MAFK: variants seen among roughly 807,000 people sequenced by gnomAD.
The protein encoded by MAFK is MAF bZIP transcription factor K.
In MAFK, 1 loss-of-function variant was observed where a neutral mutation model predicts 9.2. That is an observed-to-expected ratio of 0.11 (90% CI 0.04 to 0.52). The LOEUF (loss-of-function observed/expected upper bound fraction) is 0.52. Ranked by LOEUF, MAFK falls within the 20% of genes least tolerant of loss-of-function variation. MAFK has a pLI of 0.94. For missense variants in MAFK, 207 were observed against 236.0 expected, an observed-to-expected ratio of 0.88 and a Z score of 0.81; for synonymous variants, 110 against 107.4, an observed-to-expected ratio of 1.02 and a Z score of -0.15.
At chr7:1,537,204 C>T (rs1315746241) in intron 1 of MAFK, among the ~76,000 whole-genome samples, 2 of 152,258 alleles carry the variant, frequency 1.3e-5, no homozygotes, top group East Asian at 1.9e-4. Flanking sequence ...CACACGTCAC[C>T]GTGGGTCTGG....
chr7:1,533,895 G>A (rs1449717547), intron 1 of MAFK, among the ~76,000 whole-genome samples: 1 of 152,174 alleles, frequency 6.6e-6, no homozygotes, highest in East Asian at 1.9e-4. Flanking sequence ...ATGCTGATGG[G>A]GAGCTGGAGG....
At chr7:1,537,410 A>C in intron 1 of MAFK, 1 of 985,514 alleles carries the variant, frequency 1.0e-6, no homozygotes, top group Non-Finnish European at 1.2e-6. Context: ...ACGTGCTCGC[A>C]GTGGAGCTGG....
At chr7:1,531,912 T>C (rs2128550589) in intron 1 of MAFK, among the ~76,000 whole-genome samples, 1 of 152,364 alleles carries the variant, frequency 6.6e-6, no homozygotes, top group African/African-American at 2.4e-5. Flanking sequence ...CATGCTGTTT[T>C]CTTGCTTCTT....
At position 1,540,390 on chromosome 7, in the gene MAFK, G is replaced by T. The variant is rs746555332; in HGVS notation, c.*15G>T. On this transcript the variant is annotated 3_prime_UTR_variant, in exon 3 of 3. Transcript: ENST00000343242. ...CTGCATCCTAGTGCCGGCCGGGGGC[G>T]GGGGGTGGCGGGCGGCGGGCGGCGG... 1.4e-6 allele frequency: 2 copies of T among 1,478,866 alleles called. No individual in the cohort carries two copies. The highest frequency in any genetic ancestry group is 1.4e-5 in the African/African-American group (1 of 70,870). 91.6% of individuals were successfully genotyped at this position (1,478,866 alleles called of 1,614,324 possible).
rs983754184 is a variant in MAFK, at chr7:1,540,598, G to A, written c.*223G>A. ...CCGGTCCACAGACACACTCACGCCC[G>A]CCACCTGCTCCCCGCAGGATGTGTC... is the stretch of plus-strand genomic sequence containing the variant. On this transcript the variant is annotated 3_prime_UTR_variant, in exon 3 of 3. Coordinates refer to ENST00000343242, the MANE Select transcript of MAFK (RefSeq NM_002360.4). 7.9e-5 allele frequency: 43 copies of A among 542,712 alleles called. No individual in the cohort carries two copies. The highest frequency in any genetic ancestry group is 7.9e-5 in the African/African-American group (4 of 50,610). 33.6% of individuals were successfully genotyped at this position (542,712 alleles called of 1,614,324 possible).
rs766422603 is a variant in MAFK at position 1,541,125 on chromosome 7, G to C, written c.*750G>C. 4 of 152,910 alleles carry C rather than the reference G, an allele frequency of 2.6e-5. No individual in the cohort carries two copies. The highest frequency in any genetic ancestry group is 2.0e-4 in the Admixed American group (3 of 15,288). 9.5% of individuals were successfully genotyped at this position (152,910 alleles called of 1,614,324 possible). On this transcript the variant is annotated 3_prime_UTR_variant, in exon 3 of 3. Transcript: ENST00000343242. ...TGGCAGAGAGAGTGGCTCACACGTC[G>C]TGAGGTCTCCCCTGTGCTCTGGTGA... is the stretch of plus-strand genomic sequence containing the variant.
At chr7:1,533,119 A>ACC (rs1219107582) in intron 1 of MAFK, among the ~76,000 whole-genome samples, 1 of 151,962 alleles carries the variant, frequency 6.6e-6, no homozygotes, top group African/African-American at 2.4e-5. Flanking sequence ...CACATGCCCC[A>ACC]CCCCCCGACC....
intron 1 of MAFK, among the ~76,000 whole-genome samples, chr7:1,531,919 T>G (rs1029868398): frequency 4.6e-5 from 7 of 152,342 alleles, no homozygotes; most frequent in South Asian, 2.1e-4. Context: ...TTTTCTTGCT[T>G]CTTAAGTAGC....
intron 1 of MAFK, chr7:1,538,143 G>T: frequency 5.0e-6 from 2 of 402,216 alleles, no homozygotes; most frequent in Non-Finnish European, 6.7e-6. Context: ...CGTGGGGGCT[G>T]GCTCGGTCCC....
chr7:1,537,634 C>A lies in MAFK; in HGVS notation c.-44-1515C>A, dbSNP rs972213064. ...CATCCTGTGCCATCTACGTCAGCGC[C>A]CTGAGATCAGCTGGCCTTGGCAGGG... On this transcript the variant is annotated intron_variant, in intron 1 of 2. Coordinates refer to ENST00000343242, the MANE Select transcript of MAFK (RefSeq NM_002360.4). 9 of 985,502 alleles carry A rather than the reference C, an allele frequency of 9.1e-6. No individual in the cohort carries two copies. The African/African-American group carries it at 1.6e-4, about 17-fold the overall frequency. 61.0% of individuals were successfully genotyped at this position (985,502 alleles called of 1,614,324 possible). A position where few individuals can be genotyped will look rare whatever the true frequency, so the allele number is the denominator to read the frequency against.
chr7:1,540,850 CTG>C lies in MAFK; in HGVS notation c.*476_*477del. 2.4e-5 allele frequency: 4 copies of C among 167,966 alleles called. No individual in the cohort carries two copies. Among genetic ancestry groups the C allele is most frequent in the Admixed American group, 6.0e-5 (1 of 16,776 alleles). The allele number at this position is 167,966 out of a possible 1,614,324, so 10.4% of individuals were successfully genotyped here. On this transcript the variant is annotated 3_prime_UTR_variant, in exon 3 of 3. Transcript: ENST00000343242. Reference sequence around the variant, plus strand: ...GCCGGTGCGGGAGCCCCTCACTGCCCTGACCGACTCCGCAGTCCCCGGGGAGG... The same window carrying C: ...GCCGGTGCGGGAGCCCCTCACTGCCCACCGACTCCGCAGTCCCCGGGGAGG...
intron 1 of MAFK, chr7:1,537,584 G>C: frequency 1.0e-6 from 1 of 985,548 alleles, no homozygotes. Context: ...GAGCCCACCT[G>C]GCCGTCCCCG....
intron 1 of MAFK, chr7:1,533,956 G>A (rs1269874288): frequency 9.6e-6 from 3 of 313,724 alleles, no homozygotes; most frequent in South Asian, 5.0e-5. Flanking sequence ...ACTGGAGGGG[G>A]TGTGGTGTGT....
intron 1 of MAFK, among the ~76,000 whole-genome samples, chr7:1,535,354 G>A (rs1784002971): frequency 6.6e-6 from 1 of 152,104 alleles, no homozygotes; most frequent in South Asian, 2.1e-4. Flanking sequence ...TATTTGCTGG[G>A]ACTTAAAAAG....
chr7:1,538,162 C>G, intron 1 of MAFK: 1 of 603,638 alleles, frequency 1.7e-6, no homozygotes, highest in Non-Finnish European at 2.1e-6. Flanking sequence ...CCAAGGTCGC[C>G]ATGGCAACTA....
chr7:1,532,259 TG>T lies in MAFK; in HGVS notation c.-45+1363del, dbSNP rs1269525225. On this transcript the variant is annotated intron_variant, in intron 1 of 2. Transcript: ENST00000343242. This position sits in a 1 kb window ranked among gnomAD's most constrained non-coding sequence, Gnocchi z 4.5. ...TCCAAACCCAATGTCTTCAGGGACATGGAGCATTAAAAGAGCCGTGGGCGGG... is the reference window on the plus strand; with the variant it reads ...TCCAAACCCAATGTCTTCAGGGACATGAGCATTAAAAGAGCCGTGGGCGGG... Among the ~76,000 whole-genome samples, 5 of 152,172 alleles carry T rather than the reference TG, an allele frequency of 3.3e-5. No homozygotes were observed. The highest frequency in any genetic ancestry group is 1.2e-4 in the African/African-American group (5 of 41,442).
At chr7:1,539,570 G>C (rs995780886) in intron 2 of MAFK, among the ~76,000 whole-genome samples, 1 of 152,234 alleles carries the variant, frequency 6.6e-6, no homozygotes, top group African/African-American at 2.4e-5. Flanking sequence ...CGATGCTCCA[G>C]CTCCCAAGGC....
Position 1,532,057 on chromosome 7 carries a change from G to GC in MAFK, c.-45+1165dup, listed in dbSNP as rs1273184908. ...CCTGAGACTCAAAACGCCCCCCACCGCCCCCCATCGTGGTCTAGGGGATAT... is the reference window on the plus strand; with the variant it reads ...CCTGAGACTCAAAACGCCCCCCACCGCCCCCCCATCGTGGTCTAGGGGATAT... On this transcript the variant is annotated intron_variant, in intron 1 of 2. Transcript: ENST00000343242. This position sits in a 1 kb window ranked among gnomAD's most constrained non-coding sequence, Gnocchi z 4.5. Among the ~76,000 whole-genome samples the GC allele has an allele frequency of 2.0e-5, 3 of 152,242 alleles. No homozygotes were observed. The East Asian group carries it at 5.8e-4, about 29-fold the overall frequency.
chr7:1,531,153 C>A (rs1783895144), intron 1 of MAFK, among the ~76,000 whole-genome samples: 1 of 149,300 alleles, frequency 6.7e-6, no homozygotes, highest in South Asian at 2.1e-4. Flanking sequence ...GCCGCCCGGG[C>A]CATGCTTGCC....
Sources: gnomAD v4.1 joint callset for allele counts (sites outside exome capture counted in the v4.1 genomes callset) on GRCh38, gnomAD v4.1.1 for gene constraint, Gnocchi (gnomAD v3.1) non-coding constraint, MANE v1.5 for transcripts, NCBI Gene and HGNC (gene_info 2026-07-23, HGNC 2026-07-21) for gene names.